Variants in ZFP36L2 observed in about 807,000 individuals in gnomAD.
The protein encoded by ZFP36L2 is ZFP36 like 2 zinc finger CCCH-type.
ZFP36L2 carries 16 observed loss-of-function variants against 27.9 expected under a neutral mutation model. The observed-to-expected ratio is 0.57, with a 90% confidence interval of 0.39 to 0.87. The LOEUF is 0.87. Among genes scored for constraint, ZFP36L2 ranks in the 40% least tolerant of loss-of-function variants. The pLI, the probability that ZFP36L2 is intolerant of heterozygous loss-of-function variation, is 0.00. For missense variants in ZFP36L2, 989 were observed against 726.9 expected (o/e 1.36, Z -4.15); for synonymous variants, 600 against 363.8 (o/e 1.65, Z -7.39).
In ZFP36L2 at chr2:43,224,789, C is replaced by A; in HGVS notation, c.1015G>T (p.Gly339Cys). The A allele has an allele frequency of 6.8e-7, 1 of 1,463,578 alleles. No homozygotes were observed. The highest frequency in any genetic ancestry group is 1.5e-5 in the African/African-American group (1 of 68,594). The allele number at this position is 1,463,578 out of a possible 1,614,324, so 90.7% of individuals were successfully genotyped here. A position where few individuals can be genotyped will look rare whatever the true frequency, so the allele number is the denominator to read the frequency against. ...AAAALLYGTG[G>C]AEDLLAPGAP... The stretch of plus-strand genomic sequence containing the variant: ...CCCGGCGCCAGCAGGTCCTCGGCGC[C>A]CCCGGTGCCGTACAGCAGAGCGGCC... Residue 339 changes from glycine to cysteine, a missense_variant, in exon 2 of 2, where the codon GGC (glycine) becomes TGC (cysteine). By Grantham distance (159) the Gly-to-Cys change is radical. Coordinates refer to ENST00000282388, the MANE Select transcript of ZFP36L2 (RefSeq NM_006887.5).
rs1160390604 is a variant in ZFP36L2 at position 43,224,482 on chromosome 2, G to A, written c.1322C>T (p.Pro441Leu). ...GGGGCTGGGGGGCGCGTCGAACACG[G>A]GCGAGTCGGACAGGCGGCGCGGCAG... ...FQLPRRLSDS[P>L]VFDAPPSPPD... Residue 441 changes from proline to leucine, a missense_variant, in exon 2 of 2, where the codon CCC becomes CTC. Pro to Leu is a moderately conservative substitution (Grantham distance 98, BLOSUM62 -3). Coordinates refer to ENST00000282388, the MANE Select transcript of ZFP36L2 (RefSeq NM_006887.5). The A allele has an allele frequency of 4.7e-6, 7 of 1,501,546 alleles. No homozygotes were observed. The highest frequency in any genetic ancestry group is 6.2e-6 in the Non-Finnish European group (7 of 1,130,882). The allele number at this position is 1,501,546 out of a possible 1,614,324, so 93.0% of individuals were successfully genotyped here.
rs1443684982 is a variant in ZFP36L2 at position 43,225,685 on chromosome 2, A to G, written c.119T>C (p.Val40Ala). ...MLDKKAVGTP[V>A]AAAPSSGFAP... ...GAAGCCCGAGCTGGGGGCGGCGGCCACAGGCGTCCCCACCGCCTTCTTGTC... is the reference window on the plus strand; with the variant it reads ...GAAGCCCGAGCTGGGGGCGGCGGCCGCAGGCGTCCCCACCGCCTTCTTGTC... Residue 40 changes from valine to alanine, a missense_variant, in exon 2 of 2, where the codon GTG (valine) becomes GCG (alanine). Val to Ala is a moderately conservative substitution (Grantham distance 64, BLOSUM62 0). Coordinates refer to ENST00000282388, the MANE Select transcript of ZFP36L2 (RefSeq NM_006887.5). The G allele has an allele frequency of 3.1e-6, 5 of 1,594,436 alleles. No homozygotes were observed. In the Admixed American group the frequency reaches 8.4e-5, roughly 27 times the overall value.
chr2:43,225,193 C>A lies in ZFP36L2; in HGVS notation c.611G>T (p.Gly204Val). 1 of 1,601,760 alleles carries A rather than the reference C, an allele frequency of 6.2e-7. No individual in the cohort carries two copies. Residue 204 changes from glycine to valine, a missense_variant, in exon 2 of 2, where the codon GGC (glycine) becomes GTC (valine). By Grantham distance (109) the Gly-to-Val change is moderately radical. Transcript: ENST00000282388. ...TELCRTFHTI[G>V]FCPYGPRCHF... ...GCAGCGCGGCCCATAGGGGCAGAAGCCGATGGTATGAAAGGTGCGGCACAG... is the reference window on the plus strand; with the variant it reads ...GCAGCGCGGCCCATAGGGGCAGAAGACGATGGTATGAAAGGTGCGGCACAG...
Position 43,224,575 on chromosome 2 carries a change from G to T in ZFP36L2, c.1229C>A (p.Pro410Gln). 3 of 1,335,892 alleles carry T rather than the reference G, an allele frequency of 2.2e-6. No homozygotes were observed. Among genetic ancestry groups the T allele is most frequent in the Middle Eastern group, 2.6e-4 (1 of 3,834 alleles). The allele number at this position is 1,335,892 out of a possible 1,614,324, so 82.8% of individuals were successfully genotyped here. A position where few individuals can be genotyped will look rare whatever the true frequency, so the allele number is the denominator to read the frequency against. The change falls in exon 2 of 2, where the codon CCG (proline) becomes CAG (glutamine). Residue 410 changes from proline to glutamine, a missense_variant. Coordinates refer to ENST00000282388, the MANE Select transcript of ZFP36L2 (RefSeq NM_006887.5). ...GGGGAGGGTCGCGCTGGGCGGCGCCGGCGGCTGCGCGGGGGGCGCCAGGCC... is the reference window on the plus strand; with the variant it reads ...GGGGAGGGTCGCGCTGGGCGGCGCCTGCGGCTGCGCGGGGGGCGCCAGGCC... ...QQGLAPPAQP[P>Q]APPSATLPAG...
At position 43,225,580 on chromosome 2, in the gene ZFP36L2, G is replaced by A. The variant is rs771773565; in HGVS notation, c.224C>T (p.Ser75Leu). ...AHPAPSPGSC[S>L]PKFPGAANGS... ...GTTAGCGGCGCCCGGGAACTTGGGC[G>A]AGCAGCTGCCGGGGCTGGGCGCGGG... The change falls in exon 2 of 2, where the codon TCG becomes TTG. Residue 75 changes from serine (S) to leucine (L), a missense_variant. By Grantham distance (145) the Ser-to-Leu change is moderately radical. Coordinates refer to ENST00000282388, the MANE Select transcript of ZFP36L2 (RefSeq NM_006887.5). 1.2e-5 allele frequency: 18 copies of A among 1,561,714 alleles called. No homozygotes were observed. Among genetic ancestry groups the A allele is most frequent in the South Asian group, 4.6e-5 (4 of 87,594 alleles).
Position 43,224,861 on chromosome 2 carries a change from G to C in ZFP36L2, c.943C>G (p.Pro315Ala). 1 of 1,487,860 alleles carries C rather than the reference G, an allele frequency of 6.7e-7. No individual in the cohort carries two copies. The highest frequency in any genetic ancestry group is 8.8e-7 in the Non-Finnish European group (1 of 1,133,344). 92.2% of individuals were successfully genotyped at this position (1,487,860 alleles called of 1,614,324 possible). The change falls in exon 2 of 2, where the codon CCC becomes GCC. Residue 315 changes from proline to alanine, a missense_variant. Transcript: ENST00000282388. The stretch of plus-strand genomic sequence containing the variant: ...GCGCAGCATGTCGGGGCGCCCGAGG[G>C]CGTGGAGGCCGCGGAGGCCGAGGAA... ...SCSSASAAST[P>A]SGAPTCCASA...
In ZFP36L2 at chr2:43,224,376, G is replaced by A. The variant is rs1358996591; in HGVS notation, c.1428C>T (p.Ser476=). ...TTGGCAGGCGGCGGCCAGGGTCGAG[G>A]CTGGGAGACTCAGAGCCGCTGAGGC... ...SGSLSGSESP[S]LDPGRRLPIF... The change falls in exon 2 of 2, where the codon AGC becomes AGT. Residue 476 remains serine (S), a synonymous_variant. Coordinates refer to ENST00000282388, the MANE Select transcript of ZFP36L2 (RefSeq NM_006887.5). The A allele has an allele frequency of 1.3e-6, 2 of 1,563,476 alleles. No homozygotes were observed. The highest frequency in any genetic ancestry group is 1.1e-5 in the South Asian group (1 of 87,028).
rs1446967578 is a variant in ZFP36L2 at position 43,224,315 on chromosome 2, T to C, written c.*4A>G. On this transcript the variant is annotated 3_prime_UTR_variant, in exon 2 of 2. Transcript: ENST00000282388. Reference sequence around the variant, plus strand: ...CCCTTCCTCCTCACTGGCGCCCTCTTGCCTCAGTCGTCGGAGATGGAGAGG... The same window carrying C: ...CCCTTCCTCCTCACTGGCGCCCTCTCGCCTCAGTCGTCGGAGATGGAGAGG... The C allele has an allele frequency of 1.3e-6, 2 of 1,568,306 alleles. No individual in the cohort carries two copies. The highest frequency in any genetic ancestry group is 1.7e-6 in the Non-Finnish European group (2 of 1,162,648).
rs116794750 is a variant in ZFP36L2 at position 43,226,017 on chromosome 2, G to A, written c.51+248C>T. On this transcript the variant is annotated intron_variant, in intron 1 of 1. Transcript: ENST00000282388. ...TCCGCCCCGGCTGCCGAGGTGGGCG[G>A]CGCGAAGCCTGTCCGGGAAGCCCCG... Among the ~76,000 whole-genome samples, 680 of 152,344 alleles carry A rather than the reference G, an allele frequency of 4.5e-3. 5 individuals carry two copies. Among genetic ancestry groups the A allele is most frequent in the African/African-American group, 0.015 (628 of 41,584 alleles).
chr2:43,225,890 C>A (rs566216268), intron 1 of ZFP36L2, 138 bp from the exon 2 acceptor site: 11 of 920,546 alleles, frequency 1.2e-5, no homozygotes, highest in Non-Finnish European at 1.7e-5. Context: ...TCGGCCTCCA[C>A]CCTCCACCTA....
rs745849735 is a variant in ZFP36L2 at position 43,224,718 on chromosome 2, G to C, written c.1086C>G (p.Ala362=). ...ACSSASCANN[A]FAFGPELSSL... ...TGCTGAGCTCCGGACCGAAGGCGAA[G>C]GCGTTGTTGGCGCACGAGGCCGACG... Residue 362 remains alanine, a synonymous_variant, in exon 2 of 2, where the codon GCC becomes GCG. Coordinates refer to ENST00000282388, the MANE Select transcript of ZFP36L2 (RefSeq NM_006887.5). 4.6e-6 allele frequency: 7 copies of C among 1,531,148 alleles called. 1 individual carries two copies. The South Asian group carries it at 4.7e-5, about 10-fold the overall frequency. The allele number at this position is 1,531,148 out of a possible 1,614,324, so 94.8% of individuals were successfully genotyped here. A position where few individuals can be genotyped will look rare whatever the true frequency, so the allele number is the denominator to read the frequency against.
rs1483835374 is a variant in ZFP36L2, at chr2:43,226,343, G to A, written c.-28C>T. 3 of 1,564,712 alleles carry A rather than the reference G, an allele frequency of 1.9e-6. No homozygotes were observed. Among genetic ancestry groups the A allele is most frequent in the African/African-American group, 1.4e-5 (1 of 73,634 alleles). On this transcript the variant is annotated 5_prime_UTR_variant, in exon 1 of 2. Transcript: ENST00000282388. Reference sequence around the variant, plus strand: ...TTCTGGATCCCGCAGTGGCCGGAGCGGCAGGCCGGGAGGTCGGGAGGAGCC... The same window carrying A: ...TTCTGGATCCCGCAGTGGCCGGAGCAGCAGGCCGGGAGGTCGGGAGGAGCC...
Position 43,225,017 on chromosome 2 carries a change from A to C in ZFP36L2, c.787T>G (p.Phe263Val), listed in dbSNP as rs750549230. The C allele has an allele frequency of 6.3e-7, 1 of 1,593,888 alleles. No individual in the cohort carries two copies. Among genetic ancestry groups the C allele is most frequent in the Non-Finnish European group, 8.5e-7 (1 of 1,178,162 alleles). The change falls in exon 2 of 2, where the codon TTC becomes GTC. Residue 263 changes from phenylalanine to valine, a missense_variant. Coordinates refer to ENST00000282388, the MANE Select transcript of ZFP36L2 (RefSeq NM_006887.5). ...GGGGGCTGATGGTGGCCCGACGGGA[A>C]GCCCGAGAAGCTGAGGCTGTGGTGC... Reference protein sequence around the residue: ...KLHHSLSFSGFPSGHHQPPGG... With the variant: ...KLHHSLSFSGVPSGHHQPPGG...
chr2:43,224,081 A>C lies in ZFP36L2; in HGVS notation c.*238T>G, dbSNP rs1454714008. On this transcript the variant is annotated 3_prime_UTR_variant, in exon 2 of 2. Transcript: ENST00000282388. The stretch of plus-strand genomic sequence containing the variant: ...AAAAAGTTCGACTTTTTTGCTCAAA[A>C]AGAATGAAACTTCGTAATAAAAATA... The C allele has an allele frequency of 2.5e-6, 1 of 398,764 alleles. No individual in the cohort carries two copies. Among genetic ancestry groups the C allele is most frequent in the Non-Finnish European group, 4.4e-6 (1 of 227,990 alleles). 24.7% of individuals were successfully genotyped at this position (398,764 alleles called of 1,614,324 possible). A position where few individuals can be genotyped will look rare whatever the true frequency, so the allele number is the denominator to read the frequency against.
rs1558428386 is a variant in ZFP36L2, at chr2:43,224,964, G to A, written c.840C>T (p.Leu280=). 3 of 1,576,160 alleles carry A rather than the reference G, an allele frequency of 1.9e-6. No individual in the cohort carries two copies. The highest frequency in any genetic ancestry group is 3.7e-5 in the Admixed American group (2 of 54,686). Residue 280 remains leucine, a synonymous_variant, in exon 2 of 2, where the codon CTC becomes CTT. Transcript: ENST00000282388. ...PPGGLESPLL[L]DSPTSRTPPP... ...GCGGCGTGCGCGACGTGGGGCTGTC[G>A]AGCAGCAGCGGCGACTCGAGGCCGC... is the stretch of plus-strand genomic sequence containing the variant.
Position 43,224,247 on chromosome 2 carries a change from G to A in ZFP36L2, c.*72C>T. On this transcript the variant is annotated 3_prime_UTR_variant, in exon 2 of 2. Transcript: ENST00000282388. ...CCCCACTCCCGTGCCCCCAGCAAGG[G>A]CGAGATGGCGAGGGGTGTCCTCCAA... is the stretch of plus-strand genomic sequence containing the variant. 7.0e-7 allele frequency: 1 copy of A among 1,420,706 alleles called. No homozygotes were observed. The highest frequency in any genetic ancestry group is 9.2e-7 in the Non-Finnish European group (1 of 1,081,250). The allele number at this position is 1,420,706 out of a possible 1,614,324, so 88.0% of individuals were successfully genotyped here. A position where few individuals can be genotyped will look rare whatever the true frequency, so the allele number is the denominator to read the frequency against.
At chr2:43,225,921 G>A (rs1667089309) in intron 1 of ZFP36L2, among the ~76,000 whole-genome samples, 169 bp from the exon 2 acceptor site, 3 of 152,148 alleles carry the variant, frequency 2.0e-5, no homozygotes, top group South Asian at 2.1e-4. Flanking sequence ...AAACCAGCAA[G>A]ATCTTGCTGG....
Position 43,224,670 on chromosome 2 carries a change from G to T in ZFP36L2, c.1134C>A (p.Ile378=). The T allele has an allele frequency of 1.3e-6, 2 of 1,538,572 alleles. No homozygotes were observed. Among genetic ancestry groups the T allele is most frequent in the Non-Finnish European group, 1.7e-6 (2 of 1,147,788 alleles). ...ELSSLITPLA[I]QTHNFAAVAA... is the part of the protein sequence containing the mutation. The stretch of plus-strand genomic sequence containing the variant: ...CCACGGCGGCAAAGTTGTGGGTCTG[G>T]ATGGCGAGCGGCGTGATGAGGCTGC... Residue 378 remains isoleucine, a synonymous_variant, in exon 2 of 2, where the codon ATC becomes ATA. Coordinates refer to ENST00000282388, the MANE Select transcript of ZFP36L2 (RefSeq NM_006887.5).
rs1667049983 is a variant in ZFP36L2 at position 43,224,801 on chromosome 2, A to G, written c.1003T>C (p.Tyr335His). ...AGGTCCTCGGCGCCCCCGGTGCCGTACAGCAGAGCGGCCGCAGCCGCGGCC... is the reference window on the plus strand; with the variant it reads ...AGGTCCTCGGCGCCCCCGGTGCCGTGCAGCAGAGCGGCCGCAGCCGCGGCC... The part of the protein sequence containing the change: ...AAAAAAAALL[Y>H]GTGGAEDLLA... Residue 335 changes from tyrosine to histidine, a missense_variant, in exon 2 of 2, where the codon TAC becomes CAC. By Grantham distance (83) the Tyr-to-His change is moderately conservative. Coordinates refer to ENST00000282388, the MANE Select transcript of ZFP36L2 (RefSeq NM_006887.5). 1 of 1,437,030 alleles carries G rather than the reference A, an allele frequency of 7.0e-7. No homozygotes were observed. Among genetic ancestry groups the G allele is most frequent in the Non-Finnish European group, 9.0e-7 (1 of 1,108,240 alleles). The allele number at this position is 1,437,030 out of a possible 1,614,324, so 89.0% of individuals were successfully genotyped here.
Sources: gnomAD v4.1 joint callset for allele counts (sites outside exome capture counted in the v4.1 genomes callset) on GRCh38, gnomAD v4.1.1 for gene constraint, MANE v1.5 for transcripts, NCBI Gene and HGNC (gene_info 2026-07-23, HGNC 2026-07-21) for gene names.